Variants in MORC1 observed in about 807,000 individuals in gnomAD.
The protein encoded by MORC1 is MORC family CW-type zinc finger protein 1.
In MORC1, 59 loss-of-function variants were observed where a neutral mutation model predicts 134.9. That is an observed-to-expected ratio of 0.44 (90% CI 0.35 to 0.54). The LOEUF is 0.54. MORC1 is among the 20% of genes least tolerant of loss of function. The probability of loss-of-function intolerance (pLI) is 0.00; values close to 1 mark genes in which losing one functional copy is unlikely to be tolerated. For synonymous variants in MORC1, 395 were observed against 391.7 expected (o/e 1.01, Z -0.10); for missense variants, 947 against 1,134.5 (o/e 0.83, Z 2.37).
intron 21 of MORC1, among the ~76,000 whole-genome samples, chr3:108,998,924 T>A (rs1041045869): frequency 2.0e-5 from 3 of 152,108 alleles, no homozygotes; most frequent in African/African-American, 7.2e-5. Context: ...CATCTCTAAT[T>A]CCTGAAAAGG....
intron 6 of MORC1, among the ~76,000 whole-genome samples, chr3:109,098,767 G>A (rs2107774429): frequency 6.6e-6 from 1 of 152,220 alleles, no homozygotes; most frequent in South Asian, 2.1e-4. Flanking sequence ...AAGACTCTTA[G>A]ATGGCCATAT....
chr3:109,063,922 A>G (rs2107690586), intron 9 of MORC1, among the ~76,000 whole-genome samples: 1 of 152,286 alleles, frequency 6.6e-6, no homozygotes, highest in East Asian at 1.9e-4. Flanking sequence ...GCTTTTAAAC[A>G]TTGGTTTAAA....
chr3:109,088,519 C>G (rs1037802958), intron 8 of MORC1, among the ~76,000 whole-genome samples: 3 of 151,980 alleles, frequency 2.0e-5, no homozygotes, highest in Non-Finnish European at 4.4e-5. Flanking sequence ...AACCTACCAT[C>G]TCACACCAGT....
rs145406676 is a variant in MORC1, at chr3:109,054,229, C to T, written c.1330+499G>A. Among the ~76,000 whole-genome samples, 388 of 150,808 alleles carry T rather than the reference C, an allele frequency of 2.6e-3. 4 individuals carry two copies. Among genetic ancestry groups the T allele is most frequent in the South Asian group, 0.019 (90 of 4,756 alleles). On this transcript the variant is annotated intron_variant, in intron 14 of 27. Coordinates refer to ENST00000232603, the MANE Select transcript of MORC1 (RefSeq NM_014429.4). ...CAGGGAGATAGAGGTTGCAGTGAGC[C>T]GAGATTGCATCACTGCACTCCAGCC...
At chr3:109,029,756 A>G (rs1220707717) in intron 16 of MORC1, among the ~76,000 whole-genome samples, 1 of 152,250 alleles carries the variant, frequency 6.6e-6, no homozygotes, top group Admixed American at 6.5e-5. Context: ...GAATACTACC[A>G]TTTGTAAGAT....
chr3:108,980,515 CT>C (rs995202839), intron 23 of MORC1, among the ~76,000 whole-genome samples: 2 of 152,186 alleles, frequency 1.3e-5, no homozygotes, highest in Admixed American at 1.3e-4. Context: ...AAAGTGTCCA[CT>C]TTCTGCTGCA....
intron 21 of MORC1, among the ~76,000 whole-genome samples, chr3:108,996,310 C>CACACACACACACACACAAT (rs1208478243): frequency 2.1e-5 from 2 of 96,044 alleles, no homozygotes; most frequent in African/African-American, 3.9e-5. Context: ...ACACACACAA[C>CACACACACACACACACAAT]TAGAATTTCT....
chr3:109,035,220 A>G, intron 15 of MORC1, 120 bp downstream of exon 15: 4 of 917,984 alleles, frequency 4.4e-6, no homozygotes, highest in Non-Finnish European at 6.5e-6. Flanking sequence ...TCCAGACTGT[A>G]AACTCCTGGA....
intron 27 of MORC1, among the ~76,000 whole-genome samples, chr3:108,961,727 C>A (rs1947085957): frequency 6.6e-6 from 1 of 152,194 alleles, no homozygotes; most frequent in Non-Finnish European, 1.5e-5. Flanking sequence ...ACTTGCCTAC[C>A]AAACTTTGTG....
chr3:108,998,485 C>T (rs1159001120), intron 21 of MORC1, among the ~76,000 whole-genome samples: 1 of 152,074 alleles, frequency 6.6e-6, no homozygotes, highest in Non-Finnish European at 1.5e-5. Flanking sequence ...GCTAATTATT[C>T]TTCCTTAAGT....
chr3:109,115,166 G>A (rs1158623272), intron 1 of MORC1, among the ~76,000 whole-genome samples: 4 of 152,144 alleles, frequency 2.6e-5, no homozygotes, highest in African/African-American at 4.8e-5. Flanking sequence ...ACAGCATTAA[G>A]GGAATATTCA....
rs1473272516 is a variant in MORC1, at chr3:109,027,808, C to T, written c.1647G>A (p.Lys549=). 2.5e-6 allele frequency: 4 copies of T among 1,613,786 alleles called. No homozygotes were observed. The highest frequency in any genetic ancestry group is 1.7e-5 in the Admixed American group (1 of 59,978). The part of the protein sequence containing the change: ...TISPSKNEKE[K]QLRESVIKYQ... ...ACTTTATGACCGACTCTCTAAGTTG[C>T]TTCTCTTTCTCATTTTTTGATGGTG... Residue 549 remains lysine (K), a synonymous_variant, in exon 17 of 28, where the codon AAG becomes AAA. Coordinates refer to ENST00000232603, the MANE Select transcript of MORC1 (RefSeq NM_014429.4).
In MORC1 at chr3:108,971,387, A is replaced by G. The variant is rs758073070; in HGVS notation, c.2493T>C (p.Tyr831=). Residue 831 remains tyrosine, a synonymous_variant, in exon 25 of 28, where the codon TAT becomes TAC. Transcript: ENST00000232603. ...LKSKLREILL[Y]FFPEHQLPSE... ...ATGGTAGCTGATGCTCAGGAAAAAA[A>G]TACAGAAGAATCTCCCTAGGAATAC... 1.5e-5 allele frequency: 24 copies of G among 1,612,818 alleles called. No homozygotes were observed. The highest frequency in any genetic ancestry group is 1.6e-4 in the Middle Eastern group (1 of 6,076).
intron 7 of MORC1, 118 bp downstream of exon 7, chr3:109,094,791 A>C (rs1950796357): frequency 1.1e-6 from 1 of 929,466 alleles, no homozygotes; most frequent in African/African-American, 1.8e-5. Context: ...GACTGTCCCC[A>C]GTGTGAATCC....
At chr3:108,986,837 T>A (rs965446874) in intron 22 of MORC1, 43 bp downstream of exon 22, 14 of 1,321,186 alleles carry the variant, frequency 1.1e-5, no homozygotes, top group Non-Finnish European at 1.4e-5. Context: ...GTCTCAAACA[T>A]TATAGCTAAT....
chr3:108,996,293 CACA>C (rs1948223524), intron 21 of MORC1, among the ~76,000 whole-genome samples: 1 of 151,714 alleles, frequency 6.6e-6, no homozygotes, highest in Admixed American at 6.6e-5. Flanking sequence ...CGCGCACACA[CACA>C]CACACACACA....
chr3:109,055,469 T>A (rs1949937740), intron 13 of MORC1, among the ~76,000 whole-genome samples: 1 of 152,196 alleles, frequency 6.6e-6, no homozygotes. Flanking sequence ...GGCACATGTG[T>A]CAAAGCCTCA....
intron 24 of MORC1, among the ~76,000 whole-genome samples, chr3:108,975,696 T>C (rs1245838726): frequency 6.6e-6 from 1 of 152,198 alleles, no homozygotes; most frequent in Non-Finnish European, 1.5e-5. Flanking sequence ...ATGACTGAGC[T>C]ATCATATGCA....
chr3:109,117,779 T>C (rs1331930325), intron 1 of MORC1, among the ~76,000 whole-genome samples: 1 of 152,198 alleles, frequency 6.6e-6, no homozygotes, highest in East Asian at 1.9e-4. Context: ...TCCAACCACT[T>C]GGTGTTCACT....
Sources: gnomAD v4.1 joint callset for allele counts (sites outside exome capture counted in the v4.1 genomes callset) on GRCh38, gnomAD v4.1.1 for gene constraint, MANE v1.5 for transcripts, NCBI Gene and HGNC (gene_info 2026-07-23, HGNC 2026-07-21) for gene names.